LARP4: variants seen among roughly 807,000 people sequenced by gnomAD.
LARP4 encodes the protein La ribonucleoprotein 4.
LARP4 carries 29 observed loss-of-function variants against 92.9 expected under a neutral mutation model. The observed-to-expected ratio is 0.31, with a 90% CI of 0.23 to 0.43. The LOEUF is 0.43. LARP4 is among the 20% of genes least tolerant of loss of function. LARP4 has a pLI of 1.00. For missense variants in LARP4, 732 were observed against 860.0 expected, an observed-to-expected ratio of 0.85 and a Z score of 1.86; for synonymous variants, 279 against 284.1, an observed-to-expected ratio of 0.98 and a Z score of 0.18.
At chr12:50,463,510 A>G (rs1955744273) in intron 12 of LARP4, among the ~76,000 whole-genome samples, 1 of 151,296 alleles carries the variant, frequency 6.6e-6, no homozygotes, top group African/African-American at 2.4e-5. Context: ...AGGCAGGCTG[A>G]TCCCTTGAGC....
intron 10 of LARP4, among the ~76,000 whole-genome samples, chr12:50,460,708 A>G (rs1021363186): frequency 6.6e-6 from 1 of 152,120 alleles, no homozygotes; most frequent in African/African-American, 2.4e-5. Flanking sequence ...TGGGAGGCCA[A>G]GGCAGGCATA....
chr12:50,410,626 G>T (rs897827781), intron 1 of LARP4, among the ~76,000 whole-genome samples: 4 of 151,288 alleles, frequency 2.6e-5, no homozygotes, highest in African/African-American at 9.7e-5. Flanking sequence ...GGATGGTCTC[G>T]ATCTCCTGAC....
At chr12:50,470,350 A>C (rs1480468914) in intron 13 of LARP4, among the ~76,000 whole-genome samples, 1 of 152,230 alleles carries the variant, frequency 6.6e-6, no homozygotes, top group Non-Finnish European at 1.5e-5. Flanking sequence ...GGTACATAAA[A>C]TAATGGTGTA....
At position 50,459,499 on chromosome 12, in the gene LARP4, G is replaced by A. The variant is rs75085323; in HGVS notation, c.1122-1636G>A. ...TACTTTTTGCCCTTCCTTCGCCCCC[G>A]TTTTTACTCCCATTAGCGTGGTTTT... On this transcript the variant is annotated intron_variant, in intron 10 of 15. Coordinates refer to ENST00000398473, the MANE Select transcript of LARP4 (RefSeq NM_052879.5). Among the ~76,000 whole-genome samples the A allele has an allele frequency of 1.1e-3, 160 of 151,624 alleles. 2 individuals carry two copies. The East Asian group carries it at 0.016, about 15-fold the overall frequency.
rs1957703499 is a variant in LARP4 at position 50,478,795 on chromosome 12, T to C, written c.*2931T>C. 1.3e-5 allele frequency: 2 copies of C among 152,186 alleles called. No homozygotes were observed. Among genetic ancestry groups the C allele is most frequent in the African/African-American group, 4.8e-5 (2 of 41,462 alleles). 9.4% of individuals were successfully genotyped at this position (152,186 alleles called of 1,614,324 possible). On this transcript the variant is annotated 3_prime_UTR_variant, in exon 16 of 16. Transcript: ENST00000398473. The stretch of plus-strand genomic sequence containing the variant: ...CCTAGGGCCTGTCTCTGAGTAATTT[T>C]AATTTTGCCAAATACACTGACATTT...
chr12:50,418,787 T>C (rs951210410), intron 1 of LARP4, among the ~76,000 whole-genome samples: 1 of 152,168 alleles, frequency 6.6e-6, no homozygotes, highest in Non-Finnish European at 1.5e-5. Context: ...CATGTGATCT[T>C]GGCTCACTGT....
chr12:50,408,187 CTTTT>C (rs71083565), intron 1 of LARP4, among the ~76,000 whole-genome samples: 37 of 69,256 alleles, frequency 5.3e-4, no homozygotes, highest in South Asian at 7.7e-4. Flanking sequence ...GGATTTTCTG[CTTTT>C]TTTTTTTTTT....
intron 1 of LARP4, among the ~76,000 whole-genome samples, chr12:50,406,933 G>T (rs1215302932): frequency 6.6e-6 from 1 of 152,118 alleles, no homozygotes; most frequent in East Asian, 1.9e-4. Context: ...GGCCAAGCTG[G>T]TCTCAAACTC....
intron 8 of LARP4, among the ~76,000 whole-genome samples, chr12:50,450,920 G>A (rs992366433): frequency 6.6e-6 from 1 of 152,088 alleles, no homozygotes; most frequent in Non-Finnish European, 1.5e-5. Context: ...TTGTTTGGAT[G>A]TACACGTTGT....
intron 5 of LARP4, 148 bp downstream of exon 5, chr12:50,435,772 T>G (rs1476208678): frequency 3.2e-6 from 2 of 634,342 alleles, no homozygotes; most frequent in African/African-American, 1.9e-5. Context: ...CTTTGTTTTT[T>G]TTTTTCGGGG....
intron 2 of LARP4, among the ~76,000 whole-genome samples, 173 bp from the exon 3 acceptor site, chr12:50,428,762 A>G (rs1032847743): frequency 6.6e-6 from 1 of 152,230 alleles, no homozygotes; most frequent in Non-Finnish European, 1.5e-5. Flanking sequence ...GTTTATCTGT[A>G]ATTGTCAAAA....
intron 2 of LARP4, 132 bp from the exon 3 acceptor site, chr12:50,428,803 T>G (rs942643667): frequency 6.2e-6 from 4 of 646,014 alleles, no homozygotes; most frequent in Admixed American, 3.6e-5. Context: ...AACTCTTGCT[T>G]AAAACCATGC....
At chr12:50,473,352 G>A in intron 13 of LARP4, 63 bp from the exon 14 acceptor site, 1 of 1,229,416 alleles carries the variant, frequency 8.1e-7, no homozygotes, top group South Asian at 1.3e-5. Context: ...GTGCTTATTA[G>A]ACGTGTATAT....
intron 1 of LARP4, among the ~76,000 whole-genome samples, chr12:50,421,487 C>T (rs1050489254): frequency 1.3e-5 from 2 of 151,484 alleles, no homozygotes; most frequent in African/African-American, 4.9e-5. Flanking sequence ...ACTAAAAATA[C>T]AAAAATTAGC....
intron 5 of LARP4, among the ~76,000 whole-genome samples, chr12:50,436,800 A>G (rs1307681011): frequency 6.6e-6 from 1 of 152,214 alleles, no homozygotes; most frequent in African/African-American, 2.4e-5. Flanking sequence ...CAAGTCTGAT[A>G]ATAGACTTAC....
intron 6 of LARP4, among the ~76,000 whole-genome samples, chr12:50,438,571 T>C (rs1477133351): frequency 6.6e-6 from 1 of 151,992 alleles, no homozygotes; most frequent in East Asian, 1.9e-4. Context: ...GTTGCAGTCA[T>C]AAAGATGGTA....
At chr12:50,453,102 G>T (rs1447621241) in intron 8 of LARP4, among the ~76,000 whole-genome samples, 1 of 150,136 alleles carries the variant, frequency 6.7e-6, no homozygotes, top group African/African-American at 2.5e-5. Context: ...CCTTGTAAGG[G>T]ATGGGTCTCA....
intron 1 of LARP4, among the ~76,000 whole-genome samples, chr12:50,426,732 G>GTGTGTGTGGT (rs1948838581): frequency 3.6e-4 from 19 of 52,094 alleles, no homozygotes; most frequent in South Asian, 7.6e-4. Flanking sequence ...TGTGTGTGTG[G>GTGTGTGTGGT]TTTTTTTTTT....
intron 6 of LARP4, among the ~76,000 whole-genome samples, chr12:50,438,543 A>C (rs547167181): frequency 6.6e-6 from 1 of 152,300 alleles, no homozygotes; most frequent in South Asian, 2.1e-4. Flanking sequence ...TGTTCAGCGA[A>C]ATATTATATA....
Sources: gnomAD v4.1 joint callset for allele counts (sites outside exome capture counted in the v4.1 genomes callset) on GRCh38, gnomAD v4.1.1 for gene constraint, MANE v1.5 for transcripts, NCBI Gene and HGNC (gene_info 2026-07-23, HGNC 2026-07-21) for gene names.